PCDHGB2: variants seen among roughly 807,000 people sequenced by gnomAD.
PCDHGB2 encodes protocadherin gamma-B2.
Under a neutral mutation model 59.3 loss-of-function variants are expected in PCDHGB2, and 55 were observed. The observed-to-expected ratio is 0.93, with a 90% confidence interval of 0.75 to 1.16. PCDHGB2 has a LOEUF of 1.16. Ranked by LOEUF, PCDHGB2 falls within the 50% of genes most tolerant of loss-of-function variation. The pLI, the probability that PCDHGB2 is intolerant of heterozygous loss-of-function variation, is 0.00. For synonymous variants in PCDHGB2, 516 were observed against 512.0 expected (o/e 1.01, Z -0.11); for missense variants, 1,228 against 1,198.5 (o/e 1.02, Z -0.36).
At chr5:141,419,301 T>G in intron 1 of PCDHGB2, 6 of 1,613,998 alleles carry the variant, frequency 3.7e-6, no homozygotes, top group Non-Finnish European at 5.1e-6. Context: ...GACCCAGACT[T>G]CGGGCTCAAC....
chr5:141,421,265 T>G (rs2154549151), intron 1 of PCDHGB2: 1 of 1,596,914 alleles, frequency 6.3e-7, no homozygotes, highest in Non-Finnish European at 8.5e-7. Flanking sequence ...CGCAGTCGGC[T>G]GCTGCTGCTG....
chr5:141,394,145 C>A, intron 1 of PCDHGB2: 1 of 1,613,962 alleles, frequency 6.2e-7, no homozygotes, highest in Non-Finnish European at 8.5e-7. Flanking sequence ...ACGTGGCAGA[C>A]ATTAACGACA....
At chr5:141,443,547 T>C (rs1210940890) in intron 1 of PCDHGB2, among the ~76,000 whole-genome samples, 2 of 152,192 alleles carry the variant, frequency 1.3e-5, no homozygotes, top group Non-Finnish European at 2.9e-5. Context: ...TGGGAAATTG[T>C]TCCAATTCAA....
rs530261329 is a variant in PCDHGB2, at chr5:141,440,076, A to G, written c.2422-54731A>G. 2.4e-4 allele frequency: 37 copies of G among 152,560 alleles called. No individual in the cohort carries two copies. In the South Asian group the frequency reaches 3.7e-3, roughly 15 times the overall value. The allele number at this position is 152,560 out of a possible 1,614,324, so 9.5% of individuals were successfully genotyped here. On this transcript the variant is annotated intron_variant, in intron 1 of 3. Coordinates refer to ENST00000522605, the MANE Select transcript of PCDHGB2 (RefSeq NM_018923.3). Reference sequence around the variant, plus strand: ...CTTCGGGTTAATGCTGAGGAATAATACTTCATTCTAAGTGGGGAAAGTGGA... The same window carrying G: ...CTTCGGGTTAATGCTGAGGAATAATGCTTCATTCTAAGTGGGGAAAGTGGA...
At chr5:141,374,607 A>C in intron 1 of PCDHGB2, 1 of 1,613,660 alleles carries the variant, frequency 6.2e-7, no homozygotes, top group Non-Finnish European at 8.5e-7. Context: ...CTCAGTGGTA[A>C]TAGTCACTTC....
chr5:141,407,601 A>G (rs886898088), intron 1 of PCDHGB2, among the ~76,000 whole-genome samples: 3 of 152,168 alleles, frequency 2.0e-5, no homozygotes, highest in African/African-American at 7.2e-5. Flanking sequence ...CATCTTAAAA[A>G]GAAGCATTGG....
chr5:141,408,568 G>A (rs1282391205), intron 1 of PCDHGB2: 2 of 1,613,936 alleles, frequency 1.2e-6, no homozygotes, highest in African/African-American at 2.7e-5. Flanking sequence ...TCATTGTGGT[G>A]ATTGAGGATG....
intron 1 of PCDHGB2, among the ~76,000 whole-genome samples, chr5:141,430,243 T>C (rs1020416761): frequency 5.6e-5 from 6 of 106,478 alleles, no homozygotes; most frequent in African/African-American, 3.0e-4. Flanking sequence ...GAGAAACTCC[T>C]AGGGAGACAT....
chr5:141,369,608 T>G (rs1266511682), intron 1 of PCDHGB2, among the ~76,000 whole-genome samples: 1 of 152,214 alleles, frequency 6.6e-6, no homozygotes, highest in Non-Finnish European at 1.5e-5. Flanking sequence ...TTTTATAAGG[T>G]CAATCATTTC....
At chr5:141,403,291 A>C in intron 1 of PCDHGB2, 1 of 1,613,918 alleles carries the variant, frequency 6.2e-7, no homozygotes, top group Non-Finnish European at 8.5e-7. Flanking sequence ...TTGAAGACAG[A>C]GTGAAACTGT....
chr5:141,384,354 C>T (rs1437330360), intron 1 of PCDHGB2: 13 of 1,613,844 alleles, frequency 8.1e-6, no homozygotes, highest in Non-Finnish European at 1.0e-5. Context: ...AGGATAATGC[C>T]CAGATCACTT....
At chr5:141,427,082 C>T (rs1335319344) in intron 1 of PCDHGB2, 1 of 458,118 alleles carries the variant, frequency 2.2e-6, no homozygotes, top group Admixed American at 2.3e-5. Flanking sequence ...CAGCCACTGA[C>T]CAGGATGAGG....
chr5:141,494,891 C>G, intron 2 of PCDHGB2, 26 bp downstream of exon 2: 1 of 1,614,098 alleles, frequency 6.2e-7, no homozygotes. Flanking sequence ...TCCAGCCCAC[C>G]CTCTTCTCTG....
chr5:141,392,628 A>T (rs2092566593), intron 1 of PCDHGB2: 1 of 588,334 alleles, frequency 1.7e-6, no homozygotes, highest in South Asian at 2.7e-5. Context: ...AAACACTCAG[A>T]TCTCACACCT....
chr5:141,432,300 T>G lies in PCDHGB2; in HGVS notation c.2422-62507T>G, dbSNP rs1280788604. ...TCCATCAACTCCGACACTGGGGTACTGTATGCGCTGAGCTCCTTCGACTAC... is the reference window on the plus strand; with the variant it reads ...TCCATCAACTCCGACACTGGGGTACGGTATGCGCTGAGCTCCTTCGACTAC... On this transcript the variant is annotated intron_variant, in intron 1 of 3. Transcript: ENST00000522605. The surrounding 1 kb of genome is among the most constrained non-coding windows in gnomAD (Gnocchi z 6.0). 1.9e-6 allele frequency: 3 copies of G among 1,614,158 alleles called. No homozygotes were observed. The highest frequency in any genetic ancestry group is 2.5e-6 in the Non-Finnish European group (3 of 1,180,056).
chr5:141,510,919 C>T (rs748157000), intron 3 of PCDHGB2, 28 bp from the exon 4 acceptor site: 1 of 1,613,894 alleles, frequency 6.2e-7, no homozygotes, highest in East Asian at 2.2e-5. Context: ...AAGTTTAGCT[C>T]CCACCTGATC....
Position 141,476,443 on chromosome 5 carries a change from G to A in PCDHGB2, c.2422-18364G>A, listed in dbSNP as rs752285213. 1 of 1,614,044 alleles carries A rather than the reference G, an allele frequency of 6.2e-7. No individual in the cohort carries two copies. The highest frequency in any genetic ancestry group is 8.5e-7 in the Non-Finnish European group (1 of 1,180,038). ...TGCCCTCTTGCACTGTAACTCTGGAGTTGGTAGTGGAGAACCCGCTGGAGC... is the reference window on the plus strand; with the variant it reads ...TGCCCTCTTGCACTGTAACTCTGGAATTGGTAGTGGAGAACCCGCTGGAGC... On this transcript the variant is annotated intron_variant, in intron 1 of 3. Transcript: ENST00000522605. This position sits in a 1 kb window ranked among gnomAD's most constrained non-coding sequence, Gnocchi z 7.6.
chr5:141,478,752 G>A (rs2099475483), intron 1 of PCDHGB2: 2 of 1,521,420 alleles, frequency 1.3e-6, no homozygotes, highest in South Asian at 1.3e-5. Context: ...CATTTCAGGG[G>A]GAAGATACTT....
Position 141,383,130 on chromosome 5 carries a change from G to C in PCDHGB2, c.2421+20574G>C, listed in dbSNP as rs1328104143. On this transcript the variant is annotated intron_variant, in intron 1 of 3. Coordinates refer to ENST00000522605, the MANE Select transcript of PCDHGB2 (RefSeq NM_018923.3). ...GAGGTAGGACGCAGCTTTTCGCCCT[G>C]AACCAGCGCAGCGGCAGCTTGGTCA... 3.1e-6 allele frequency: 5 copies of C among 1,614,008 alleles called. No homozygotes were observed. In the African/African-American group the frequency reaches 5.3e-5, roughly 17 times the overall value.
Sources: gnomAD v4.1 joint callset for allele counts (sites outside exome capture counted in the v4.1 genomes callset) on GRCh38, gnomAD v4.1.1 for gene constraint, Gnocchi (gnomAD v3.1) non-coding constraint, MANE v1.5 for transcripts, NCBI Gene and HGNC (gene_info 2026-07-23, HGNC 2026-07-21) for gene names.